CAMTA1: variants seen among roughly 807,000 people sequenced by gnomAD.
The protein encoded by CAMTA1 is calmodulin-binding transcription activator 1.
Under a neutral mutation model 170.9 loss-of-function variants are expected in CAMTA1, and 27 were observed. That is an observed-to-expected ratio of 0.16 (90% CI 0.12 to 0.22). The LOEUF is 0.22. CAMTA1 is among the 10% of genes least tolerant of loss of function. The pLI is 1.00. For missense variants in CAMTA1, 1,619 were observed against 2,217.2 expected, an observed-to-expected ratio of 0.73 and a Z score of 5.42; for synonymous variants, 833 against 891.5, an observed-to-expected ratio of 0.93 and a Z score of 1.17.
chr1:7,197,764 A>C (rs1258697366), intron 4 of CAMTA1, among the ~76,000 whole-genome samples: 1 of 151,934 alleles, frequency 6.6e-6, no homozygotes, highest in Non-Finnish European at 1.5e-5. Flanking sequence ...GTTGAGAAGA[A>C]AGACTCCGAG....
chr1:6,863,742 CAT>C (rs1665611756), intron 3 of CAMTA1, among the ~76,000 whole-genome samples: 1 of 152,230 alleles, frequency 6.6e-6, no homozygotes, highest in Non-Finnish European at 1.5e-5. Flanking sequence ...TACTGTGGTA[CAT>C]GTTTCACACC....
In CAMTA1 at chr1:7,766,452, C is replaced by T; in HGVS notation, c.4990-7C>T. Reference sequence around the variant, plus strand: ...TCGCCTGCTGTTTTGTTTTGTTTCTCTTCCAGAGTGAAAGAATTGAAAAAG... The same window carrying T: ...TCGCCTGCTGTTTTGTTTTGTTTCTTTTCCAGAGTGAAAGAATTGAAAAAG... On this transcript the variant is annotated splice_region_variant and splice_polypyrimidine_tract_variant and intron_variant, in intron 22 of 22. Transcript: ENST00000303635. 1 of 1,613,984 alleles carries T rather than the reference C, an allele frequency of 6.2e-7. No individual in the cohort carries two copies. The highest frequency in any genetic ancestry group is 1.1e-5 in the South Asian group (1 of 91,066).
At chr1:7,078,675 A>T (rs1410912783) in intron 3 of CAMTA1, among the ~76,000 whole-genome samples, 1 of 152,246 alleles carries the variant, frequency 6.6e-6, no homozygotes, top group Admixed American at 6.5e-5. Flanking sequence ...GCTACAAACA[A>T]TGATAAAACT....
chr1:7,504,815 C>T (rs1218280060), intron 6 of CAMTA1, among the ~76,000 whole-genome samples: 1 of 152,270 alleles, frequency 6.6e-6, no homozygotes, highest in Admixed American at 6.5e-5. Context: ...GGACATCTCA[C>T]AAGTGCCTCT....
At chr1:6,967,236 A>G (rs1334483585) in intron 3 of CAMTA1, among the ~76,000 whole-genome samples, 1 of 151,894 alleles carries the variant, frequency 6.6e-6, no homozygotes, top group Non-Finnish European at 1.5e-5. Context: ...GTGAGACTCC[A>G]TTTCAAAAAC....
chr1:7,226,012 C>T (rs1661636356), intron 4 of CAMTA1, among the ~76,000 whole-genome samples: 1 of 152,196 alleles, frequency 6.6e-6, no homozygotes. Flanking sequence ...AGCCCAGTGC[C>T]TGTCCACAGC....
rs6691275 is a variant in CAMTA1, at chr1:7,609,953, T to C, written c.511-30447T>C. On this transcript the variant is annotated intron_variant, in intron 6 of 22. Transcript: ENST00000303635. This position sits in a 1 kb window ranked among gnomAD's most constrained non-coding sequence, Gnocchi z 4.4. ...AAATGAGAGGGTAAACTGTGGGGTC[T>C]CCAAGTCTCTTTACCTGAAATACAG... 0.18 allele frequency among the ~76,000 whole-genome samples: 27,604 copies of C among 152,158 alleles called. 3,070 individuals carry two copies. The highest frequency in any genetic ancestry group is 0.31 in the African/African-American group (12,885 of 41,486).
chr1:7,478,448 G>A (rs974340040), intron 6 of CAMTA1, among the ~76,000 whole-genome samples: 2 of 152,212 alleles, frequency 1.3e-5, no homozygotes, highest in Non-Finnish European at 2.9e-5. Context: ...CTCCTGGCCT[G>A]GCCTGCCGAC....
intron 5 of CAMTA1, among the ~76,000 whole-genome samples, chr1:7,394,835 GTGTGTGTC>G (rs1383517498): frequency 9.2e-6 from 1 of 108,778 alleles, no homozygotes; most frequent in East Asian, 2.4e-4. Context: ...GTGTGTGTGT[GTGTGTGTC>G]TGTGTGTGTG....
intron 11 of CAMTA1, among the ~76,000 whole-genome samples, chr1:7,689,576 C>CAA (rs1291808231): frequency 6.9e-6 from 1 of 144,338 alleles, no homozygotes; most frequent in Non-Finnish European, 1.5e-5. Context: ...GAGACCATCT[C>CAA]AAAAAAAAAA....
intron 6 of CAMTA1, among the ~76,000 whole-genome samples, chr1:7,563,525 G>A (rs1190401011): frequency 1.3e-5 from 2 of 152,212 alleles, no homozygotes; most frequent in African/African-American, 2.4e-5. Flanking sequence ...ATGTGGAGTG[G>A]GCCCAGCTGT....
At chr1:7,423,874 C>T (rs1490684528) in intron 5 of CAMTA1, among the ~76,000 whole-genome samples, 2 of 152,048 alleles carry the variant, frequency 1.3e-5, no homozygotes, top group Admixed American at 6.6e-5. Flanking sequence ...AGGTACGGGG[C>T]GAGAGGACAG....
chr1:6,902,084 T>TAAATAAAAAAA (rs1553180536), intron 3 of CAMTA1, among the ~76,000 whole-genome samples: 5 of 105,012 alleles, frequency 4.8e-5, no homozygotes, highest in East Asian at 4.9e-4. Context: ...AAAAAAAAAA[T>TAAATAAAAAAA]AAAAATAAAA....
intron 5 of CAMTA1, among the ~76,000 whole-genome samples, chr1:7,332,120 C>T (rs982148735): frequency 6.6e-6 from 1 of 152,180 alleles, no homozygotes; most frequent in Admixed American, 6.5e-5. Context: ...CAAGAGTGCA[C>T]CAGGTCTGGA....
At chr1:7,137,849 C>G (rs1229813221) in intron 4 of CAMTA1, among the ~76,000 whole-genome samples, 1 of 152,250 alleles carries the variant, frequency 6.6e-6, no homozygotes, top group Non-Finnish European at 1.5e-5. Flanking sequence ...CTCCTCTCCA[C>G]TGCCCGGCCA....
intron 3 of CAMTA1, among the ~76,000 whole-genome samples, chr1:6,855,463 CAA>C (rs890479439): frequency 2.6e-5 from 4 of 151,428 alleles, no homozygotes; most frequent in South Asian, 2.1e-4. Flanking sequence ...AGAGCAGGAG[CAA>C]GAGAGAGAGA....
At chr1:6,954,405 T>A (rs1689080674) in intron 3 of CAMTA1, among the ~76,000 whole-genome samples, 1 of 152,328 alleles carries the variant, frequency 6.6e-6, no homozygotes, top group South Asian at 2.1e-4. Context: ...TTATTTATCC[T>A]CATAAACCAT....
intron 6 of CAMTA1, among the ~76,000 whole-genome samples, chr1:7,628,919 G>A (rs949026937): frequency 1.3e-5 from 2 of 152,220 alleles, no homozygotes; most frequent in East Asian, 3.9e-4. Flanking sequence ...GGTGACTGCA[G>A]CCCTCTGAGA....
intron 3 of CAMTA1, among the ~76,000 whole-genome samples, chr1:7,004,043 A>G (rs1698626810): frequency 6.6e-6 from 1 of 152,250 alleles, no homozygotes; most frequent in Non-Finnish European, 1.5e-5. Context: ...TGGTTATGGA[A>G]CATGATTTCC....
Sources: gnomAD v4.1 joint callset for allele counts (sites outside exome capture counted in the v4.1 genomes callset) on GRCh38, gnomAD v4.1.1 for gene constraint, Gnocchi (gnomAD v3.1) non-coding constraint, MANE v1.5 for transcripts, NCBI Gene and HGNC (gene_info 2026-07-23, HGNC 2026-07-21) for gene names.